The following TRAK1 variants were observed in gnomAD, a reference collection of about 807,000 sequenced individuals.
The protein encoded by TRAK1 is trafficking kinesin protein 1.
In TRAK1, 33 loss-of-function variants were observed where a neutral mutation model predicts 92.1. That is an observed-to-expected ratio of 0.36 (90% CI 0.27 to 0.48). The LOEUF is 0.48. Ranked by LOEUF, TRAK1 falls within the 20% of genes least tolerant of loss-of-function variation. The pLI, the probability that TRAK1 is intolerant of heterozygous loss-of-function variation, is 0.99. For synonymous variants in TRAK1, 521 were observed against 517.3 expected, an observed-to-expected ratio of 1.01 and a Z score of -0.10; for missense variants, 1,123 against 1,257.9, an observed-to-expected ratio of 0.89 and a Z score of 1.62.
At chr3:42,025,514 CCTTT>C (rs1203988316) in intron 1 of TRAK1, among the ~76,000 whole-genome samples, 16 of 152,174 alleles carry the variant, frequency 1.1e-4, no homozygotes, top group African/African-American at 3.9e-4. Context: ...CTGGTATTTG[CCTTT>C]CATGTTAAGA....
intron 1 of TRAK1, among the ~76,000 whole-genome samples, chr3:42,040,052 T>C (rs1267986586): frequency 6.6e-6 from 1 of 152,176 alleles, no homozygotes; most frequent in East Asian, 1.9e-4. Flanking sequence ...GCCTATTTTT[T>C]TTTTAAATTG....
At chr3:42,139,598 G>A (rs1187988252) in intron 2 of TRAK1, among the ~76,000 whole-genome samples, 1 of 152,090 alleles carries the variant, frequency 6.6e-6, no homozygotes, top group Non-Finnish European at 1.5e-5. Context: ...TACCCTCATG[G>A]TCCCTGGGCT....
At chr3:42,081,711 G>T (rs1436753450) in intron 1 of TRAK1, among the ~76,000 whole-genome samples, 1 of 152,150 alleles carries the variant, frequency 6.6e-6, no homozygotes, top group Non-Finnish European at 1.5e-5. Flanking sequence ...TACTATAGTA[G>T]AACCAAGAAA....
intron 1 of TRAK1, among the ~76,000 whole-genome samples, chr3:42,035,555 G>A (rs1389014687): frequency 6.6e-6 from 1 of 152,232 alleles, no homozygotes; most frequent in African/African-American, 2.4e-5. Flanking sequence ...AGCTGCTCAG[G>A]CAGGAACCAG....
Position 42,125,407 on chromosome 3 carries a change from G to A in TRAK1, c.92-13G>A. On this transcript the variant is annotated splice_polypyrimidine_tract_variant and intron_variant, in intron 1 of 15. Transcript: ENST00000327628. ...ATTTCTGGGCTCTCATTTCTTGGTTGTCTTGTCTTTAGATGTGTGCAACAG... is the reference window on the plus strand; with the variant it reads ...ATTTCTGGGCTCTCATTTCTTGGTTATCTTGTCTTTAGATGTGTGCAACAG... The A allele has an allele frequency of 6.2e-7, 1 of 1,608,426 alleles. No individual in the cohort carries two copies.
At chr3:42,125,241 A>G (rs533262573) in intron 1 of TRAK1, among the ~76,000 whole-genome samples, 179 bp from the exon 2 acceptor site, 9 of 152,346 alleles carry the variant, frequency 5.9e-5, no homozygotes, top group Admixed American at 5.2e-4. Context: ...AGCATGCACA[A>G]TTCAAAGTTT....
intron 1 of TRAK1, among the ~76,000 whole-genome samples, chr3:42,121,344 C>A (rs943391804): frequency 6.6e-6 from 1 of 150,970 alleles, no homozygotes; most frequent in African/African-American, 2.4e-5. Context: ...ACTGCAAGCT[C>A]CGCCTCCGGG....
At chr3:42,153,496 C>T (rs566148705) in intron 2 of TRAK1, among the ~76,000 whole-genome samples, 1 of 152,284 alleles carries the variant, frequency 6.6e-6, no homozygotes, top group East Asian at 1.9e-4. Context: ...ACTTGCTCTC[C>T]ATCCCCGCTC....
chr3:42,048,516 C>T (rs1702849136), intron 1 of TRAK1, among the ~76,000 whole-genome samples: 1 of 151,586 alleles, frequency 6.6e-6, no homozygotes, highest in Non-Finnish European at 1.5e-5. Flanking sequence ...TAACTTGTAA[C>T]TTTTTCTTTT....
At chr3:42,163,352 T>C (rs1406573840) in intron 2 of TRAK1, among the ~76,000 whole-genome samples, 5 of 152,044 alleles carry the variant, frequency 3.3e-5, no homozygotes, top group Non-Finnish European at 7.4e-5. Flanking sequence ...GGGTGGATCA[T>C]GAGGTCAGGA....
At chr3:42,188,916 A>C in intron 5 of TRAK1, 100 bp from the exon 6 acceptor site, 1 of 824,448 alleles carries the variant, frequency 1.2e-6, no homozygotes, top group Non-Finnish European at 2.0e-6. Context: ...CTGGTGGGTC[A>C]TTGTCCTTCC....
intron 1 of TRAK1, among the ~76,000 whole-genome samples, chr3:42,017,184 C>T (rs1338114944): frequency 6.6e-6 from 1 of 152,128 alleles, no homozygotes; most frequent in African/African-American, 2.4e-5. Flanking sequence ...TTGCTTGAAC[C>T]CAGGAGGTGG....
intron 1 of TRAK1, among the ~76,000 whole-genome samples, chr3:42,080,549 C>A (rs1382086097): frequency 1.3e-5 from 2 of 152,218 alleles, no homozygotes; most frequent in African/African-American, 4.8e-5. Context: ...TTGTTTGTTT[C>A]CTCTGCCTGA....
At chr3:42,201,419 C>G (rs1408512134) in intron 12 of TRAK1, among the ~76,000 whole-genome samples, 2 of 151,916 alleles carry the variant, frequency 1.3e-5, no homozygotes, top group African/African-American at 2.4e-5. Flanking sequence ...GATAATTGCA[C>G]CACTGCACTC....
At chr3:42,186,417 T>C (rs1704858010) in intron 4 of TRAK1, among the ~76,000 whole-genome samples, 1 of 152,230 alleles carries the variant, frequency 6.6e-6, no homozygotes, top group Admixed American at 6.5e-5. Flanking sequence ...ACAGTAGTTT[T>C]AATATGATGA....
At chr3:42,196,868 T>TA (rs1358766168) in intron 10 of TRAK1, among the ~76,000 whole-genome samples, 1 of 151,940 alleles carries the variant, frequency 6.6e-6, no homozygotes. Context: ...TTTCAGTTGT[T>TA]ACAGCTGCCT....
intron 1 of TRAK1, among the ~76,000 whole-genome samples, chr3:42,069,012 TGG>T (rs1200177517): frequency 6.6e-6 from 1 of 152,122 alleles, no homozygotes; most frequent in Non-Finnish European, 1.5e-5. Flanking sequence ...TGTGTAGTCA[TGG>T]TTAGGAAATG....
chr3:42,135,284 C>T (rs1338258643), intron 2 of TRAK1, among the ~76,000 whole-genome samples: 1 of 152,166 alleles, frequency 6.6e-6, no homozygotes, highest in Non-Finnish European at 1.5e-5. Context: ...AGGGTGGAGC[C>T]CAGTACCTGG....
At chr3:42,048,951 A>G (rs1210021600) in intron 1 of TRAK1, among the ~76,000 whole-genome samples, 1 of 152,160 alleles carries the variant, frequency 6.6e-6, no homozygotes, top group Non-Finnish European at 1.5e-5. Context: ...GTTCCCCACT[A>G]TGTTGAGCTC....
Sources: gnomAD v4.1 joint callset for allele counts (sites outside exome capture counted in the v4.1 genomes callset) on GRCh38, gnomAD v4.1.1 for gene constraint, MANE v1.5 for transcripts, NCBI Gene and HGNC (gene_info 2026-07-23, HGNC 2026-07-21) for gene names.